The following BBX variants were observed in gnomAD, a reference collection of about 807,000 sequenced individuals.
BBX encodes BBX high mobility group box domain containing.
A neutral mutation model predicts 100.2 loss-of-function variants in BBX; 30 were observed. The observed-to-expected ratio is 0.30, with a 90% CI of 0.22 to 0.41. The LOEUF is 0.41. Among genes scored for constraint, BBX ranks in the 10% least tolerant of loss-of-function variants. The probability of loss-of-function intolerance (pLI) is 1.00; values close to 1 mark genes in which losing one functional copy is unlikely to be tolerated. For missense variants in BBX, 1,023 were observed against 1,129.8 expected (o/e 0.91, Z 1.35); for synonymous variants, 376 against 388.1 (o/e 0.97, Z 0.37).
chr3:107,698,057 G>A (rs890392279), intron 3 of BBX, among the ~76,000 whole-genome samples: 14 of 151,832 alleles, frequency 9.2e-5, no homozygotes, highest in Admixed American at 6.5e-5. Context: ...GCTTTGGCTC[G>A]TGCACGGTGC....
At chr3:107,742,165 T>C (rs549379976) in intron 7 of BBX, among the ~76,000 whole-genome samples, 2 of 152,286 alleles carry the variant, frequency 1.3e-5, no homozygotes, top group East Asian at 3.9e-4. Flanking sequence ...CTTGAGAAAT[T>C]TGGGGGCTGT....
intron 16 of BBX, among the ~76,000 whole-genome samples, chr3:107,800,857 G>A (rs1438278773): frequency 6.6e-6 from 1 of 152,184 alleles, no homozygotes; most frequent in African/African-American, 2.4e-5. Flanking sequence ...ATAAAACACA[G>A]CTTCTCTTCA....
chr3:107,704,536 A>G (rs1260390352), intron 3 of BBX, among the ~76,000 whole-genome samples: 1 of 152,228 alleles, frequency 6.6e-6, no homozygotes, highest in Non-Finnish European at 1.5e-5. Flanking sequence ...CATGGGGCCA[A>G]TATTTGGGGA....
chr3:107,762,204 A>G (rs916237982), intron 10 of BBX, among the ~76,000 whole-genome samples: 1 of 152,142 alleles, frequency 6.6e-6, no homozygotes, highest in Non-Finnish European at 1.5e-5. Flanking sequence ...TCTTTGGGGG[A>G]AGACTTTAGT....
At chr3:107,740,513 G>C (rs941661268) in intron 7 of BBX, among the ~76,000 whole-genome samples, 1 of 151,880 alleles carries the variant, frequency 6.6e-6, no homozygotes, top group Non-Finnish European at 1.5e-5. Context: ...GCGTCACCCT[G>C]CACTCCACTG....
At chr3:107,727,093 C>T (rs1238190052) in intron 5 of BBX, among the ~76,000 whole-genome samples, 1 of 135,668 alleles carries the variant, frequency 7.4e-6, no homozygotes, top group African/African-American at 2.5e-5. Flanking sequence ...TTTTAAACTA[C>T]CCCCCCCAAA....
At chr3:107,622,435 G>T (rs1375934066) in intron 2 of BBX, among the ~76,000 whole-genome samples, 1 of 152,086 alleles carries the variant, frequency 6.6e-6, no homozygotes, top group Non-Finnish European at 1.5e-5. Flanking sequence ...TTTATCCAGG[G>T]TTAATACCTA....
chr3:107,725,223 G>A (rs557442918), intron 5 of BBX, among the ~76,000 whole-genome samples: 2 of 152,224 alleles, frequency 1.3e-5, no homozygotes, highest in Admixed American at 6.5e-5. Context: ...TGTTATTGGT[G>A]TATAAGAATG....
At chr3:107,720,538 A>C (rs778163264) in intron 5 of BBX, among the ~76,000 whole-genome samples, 2 of 152,058 alleles carry the variant, frequency 1.3e-5, no homozygotes, top group Non-Finnish European at 2.9e-5. Flanking sequence ...TAGGTTATAC[A>C]TAGAAGAGTA....
At chr3:107,735,769 A>G (rs1006271586) in intron 7 of BBX, among the ~76,000 whole-genome samples, 7 of 152,036 alleles carry the variant, frequency 4.6e-5, no homozygotes, top group East Asian at 3.9e-4. Context: ...TGAGATATCA[A>G]TCGCAAATAA....
chr3:107,578,973 G>A (rs890164892), intron 2 of BBX, among the ~76,000 whole-genome samples: 2 of 152,040 alleles, frequency 1.3e-5, no homozygotes, highest in Non-Finnish European at 2.9e-5. Flanking sequence ...TTAAATATTG[G>A]CCCACTAAAG....
At chr3:107,600,753 T>A (rs1159183506) in intron 2 of BBX, among the ~76,000 whole-genome samples, 1 of 152,116 alleles carries the variant, frequency 6.6e-6, no homozygotes. Context: ...GTTAAAAATA[T>A]TAAAAGTTCT....
intron 3 of BBX, chr3:107,684,826 G>A (rs1243901727): frequency 6.6e-6 from 1 of 152,160 alleles, no homozygotes; most frequent in African/African-American, 2.4e-5. Context: ...ATCTGTCTTC[G>A]AAGGAGAGCT....
chr3:107,677,157 T>C (rs1436318760), intron 3 of BBX, among the ~76,000 whole-genome samples: 2 of 152,122 alleles, frequency 1.3e-5, no homozygotes, highest in Admixed American at 6.6e-5. Flanking sequence ...TGGTAACCTG[T>C]ACTAATAACA....
chr3:107,624,723 G>C (rs2056046350), intron 2 of BBX, among the ~76,000 whole-genome samples: 1 of 152,126 alleles, frequency 6.6e-6, no homozygotes, highest in Admixed American at 6.5e-5. Context: ...ACAAAAATAA[G>C]CTGGGCATGA....
At chr3:107,601,460 A>C (rs2054060972) in intron 2 of BBX, among the ~76,000 whole-genome samples, 1 of 152,210 alleles carries the variant, frequency 6.6e-6, no homozygotes, top group Admixed American at 6.5e-5. Context: ...TAAAAGTACT[A>C]CTTCAGTGAA....
At chr3:107,529,018 A>G (rs746442172) in intron 2 of BBX, among the ~76,000 whole-genome samples, 5 of 152,220 alleles carry the variant, frequency 3.3e-5, no homozygotes, top group Non-Finnish European at 7.3e-5. Context: ...TCACAGCTCT[A>G]TACTACTAAA....
intron 2 of BBX, among the ~76,000 whole-genome samples, chr3:107,584,819 G>A (rs1013560171): frequency 2.0e-4 from 31 of 151,354 alleles, no homozygotes; most frequent in Admixed American, 4.0e-4. Flanking sequence ...AGCCTCTGGA[G>A]TAGCTGGGAT....
intron 2 of BBX, among the ~76,000 whole-genome samples, chr3:107,604,564 A>T (rs890596663): frequency 6.6e-6 from 1 of 152,130 alleles, no homozygotes; most frequent in Non-Finnish European, 1.5e-5. Context: ...CTGTAACTCC[A>T]TGGTTCTGTA....
Sources: allele counts gnomAD v4.1 joint callset (sites outside exome capture counted in the v4.1 genomes callset), GRCh38; gene constraint gnomAD v4.1.1; transcripts MANE v1.5; gene names NCBI Gene and HGNC (gene_info 2026-07-23, HGNC 2026-07-21).